Variants in KPNA6 observed in about 807,000 individuals in gnomAD.
KPNA6 encodes importin subunit alpha-7.
A neutral mutation model predicts 72.0 loss-of-function variants in KPNA6; 9 were observed. The ratio of observed to expected loss-of-function variants is 0.13; its 90% CI spans 0.08 to 0.22. The LOEUF (loss-of-function observed/expected upper bound fraction) is 0.22. Ranked by LOEUF, KPNA6 falls within the 10% of genes least tolerant of loss-of-function variation. The pLI is 1.00. For synonymous variants in KPNA6, 219 were observed against 242.1 expected (o/e 0.90, Z 0.89); for missense variants, 374 against 655.7 (o/e 0.57, Z 4.69).
At chr1:32,109,447 C>T (rs1641204939) in intron 1 of KPNA6, among the ~76,000 whole-genome samples, 1 of 151,826 alleles carries the variant, frequency 6.6e-6, no homozygotes, top group Admixed American at 6.6e-5. Context: ...GCTGGGATTA[C>T]AGGTGTGAGC....
intron 1 of KPNA6, among the ~76,000 whole-genome samples, chr1:32,128,661 C>T (rs755250371): frequency 1.6e-4 from 25 of 151,798 alleles, no homozygotes; most frequent in Admixed American, 2.6e-4. Flanking sequence ...ACCCAATTGT[C>T]CAGTAGAAGA....
intron 7 of KPNA6, 51 bp from the exon 8 acceptor site, chr1:32,161,896 T>C (rs1642244420): frequency 1.5e-6 from 2 of 1,374,952 alleles, no homozygotes; most frequent in Non-Finnish European, 2.1e-6. Context: ...TTGGCAACAG[T>C]CCTATGCCAA....
chr1:32,149,135 C>G (rs886433107), intron 1 of KPNA6, among the ~76,000 whole-genome samples: 5 of 152,038 alleles, frequency 3.3e-5, no homozygotes, highest in Non-Finnish European at 5.9e-5. Context: ...CTGCTTGTAT[C>G]TGCTGTTGAA....
chr1:32,170,756 C>T lies in KPNA6; in HGVS notation c.1473C>T (p.Tyr491=), dbSNP rs1462855622. The T allele has an allele frequency of 1.2e-6, 2 of 1,614,190 alleles. No homozygotes were observed. The highest frequency in any genetic ancestry group is 2.2e-5 in the South Asian group (2 of 91,082). The change falls in exon 14 of 14, where the codon TAC becomes TAT. Residue 491 remains tyrosine, a synonymous_variant. Coordinates refer to ENST00000373625, the MANE Select transcript of KPNA6 (RefSeq NM_012316.5). ...FLQSHENQEI[Y]QKAFDLIEHY... The stretch of plus-strand genomic sequence containing the variant: ...AGAGCCACGAGAACCAGGAGATCTA[C>T]CAGAAGGCCTTCGACCTCATTGAGC...
chr1:32,147,650 CTTTT>C (rs915571659), intron 1 of KPNA6, among the ~76,000 whole-genome samples: 7 of 81,866 alleles, frequency 8.6e-5, no homozygotes, highest in South Asian at 4.7e-4. Flanking sequence ...GATTTCTTTT[CTTTT>C]TTTTTTTTTT....
intron 1 of KPNA6, chr1:32,142,823 C>T: frequency 1.9e-6 from 1 of 539,492 alleles, no homozygotes; most frequent in East Asian, 7.4e-5. Flanking sequence ...TGTGCTTGTG[C>T]AGATGTTCCT....
chr1:32,156,533 G>T (rs191124698), intron 2 of KPNA6, among the ~76,000 whole-genome samples: 3 of 152,190 alleles, frequency 2.0e-5, no homozygotes, highest in African/African-American at 4.8e-5. Flanking sequence ...GGATGCACTG[G>T]ACAAAGGATG....
chr1:32,122,635 G>A (rs1302055378), intron 1 of KPNA6, among the ~76,000 whole-genome samples: 1 of 152,014 alleles, frequency 6.6e-6, no homozygotes, highest in African/African-American at 2.4e-5. Context: ...AAAGAAAAAA[G>A]GAGAGAGAAG....
chr1:32,165,524 C>CAA (rs920358384), intron 10 of KPNA6, among the ~76,000 whole-genome samples: 2 of 137,878 alleles, frequency 1.5e-5, no homozygotes, highest in South Asian at 2.3e-4. Context: ...CCTGTCTCTA[C>CAA]AAAAAAAAAA....
intron 1 of KPNA6, among the ~76,000 whole-genome samples, chr1:32,130,366 G>C (rs1350877363): frequency 6.6e-6 from 1 of 151,768 alleles, no homozygotes; most frequent in Non-Finnish European, 1.5e-5. Context: ...TGCCTGCCTT[G>C]GTGCCTTACA....
chr1:32,174,520 T>C lies in KPNA6; in HGVS notation c.*3626T>C, dbSNP rs1484299889. 6.6e-6 allele frequency: 1 copy of C among 152,254 alleles called. No homozygotes were observed. Among genetic ancestry groups the C allele is most frequent in the Non-Finnish European group, 1.5e-5 (1 of 68,068 alleles). 9.4% of individuals were successfully genotyped at this position (152,254 alleles called of 1,614,324 possible). A position where few individuals can be genotyped will look rare whatever the true frequency, so the allele number is the denominator to read the frequency against. On this transcript the variant is annotated 3_prime_UTR_variant, in exon 14 of 14. Coordinates refer to ENST00000373625, the MANE Select transcript of KPNA6 (RefSeq NM_012316.5). ...AAAAGATAGGAAAGCCTGGCACTACTAACCTCACCTCTCATACACCTCTTT... is the reference window on the plus strand; with the variant it reads ...AAAAGATAGGAAAGCCTGGCACTACCAACCTCACCTCTCATACACCTCTTT...
At chr1:32,116,743 C>T (rs1641335311) in intron 1 of KPNA6, among the ~76,000 whole-genome samples, 1 of 152,160 alleles carries the variant, frequency 6.6e-6, no homozygotes, top group African/African-American at 2.4e-5. Context: ...GACATGCCTT[C>T]CTCACTAAGC....
intron 1 of KPNA6, among the ~76,000 whole-genome samples, chr1:32,115,197 G>A (rs534122719): frequency 3.3e-4 from 49 of 150,102 alleles, no homozygotes; most frequent in African/African-American, 1.2e-3. Context: ...ATGCAGTGGC[G>A]CGACCTCAGC....
chr1:32,173,724 C>G lies in KPNA6; in HGVS notation c.*2830C>G, dbSNP rs1467975671. 2 of 152,236 alleles carry G rather than the reference C, an allele frequency of 1.3e-5. No homozygotes were observed. Among genetic ancestry groups the G allele is most frequent in the Admixed American group, 1.3e-4 (2 of 15,282 alleles). The allele number at this position is 152,236 out of a possible 1,614,324, so 9.4% of individuals were successfully genotyped here. ...TTTGTGGACAGTCTTCATCTAGATT[C>G]CATACCCTGGCCTAGGCGAGGTAAG... On this transcript the variant is annotated 3_prime_UTR_variant, in exon 14 of 14. Transcript: ENST00000373625.
intron 1 of KPNA6, among the ~76,000 whole-genome samples, chr1:32,133,885 C>T (rs1446838982): frequency 6.6e-6 from 1 of 151,542 alleles, no homozygotes; most frequent in Non-Finnish European, 1.5e-5. Flanking sequence ...ACTAAAAATA[C>T]AAAAATTAGC....
chr1:32,159,309 T>G, intron 5 of KPNA6, 91 bp from the exon 6 acceptor site: 1 of 1,375,898 alleles, frequency 7.3e-7, no homozygotes, highest in Non-Finnish European at 9.9e-7. Flanking sequence ...TTTAAATTCA[T>G]GGGCAGGAGG....
chr1:32,175,081 C>G lies in KPNA6; in HGVS notation c.*4187C>G, dbSNP rs1416210342. 4 of 152,222 alleles carry G rather than the reference C, an allele frequency of 2.6e-5. No individual in the cohort carries two copies. The highest frequency in any genetic ancestry group is 5.9e-5 in the Non-Finnish European group (4 of 68,052). The allele number at this position is 152,222 out of a possible 1,614,324, so 9.4% of individuals were successfully genotyped here. ...AGTCTCTCATTATCTGTCCTCTAGC[C>G]CCACACCCTGATTTAGACCGTGGCA... On this transcript the variant is annotated 3_prime_UTR_variant, in exon 14 of 14. Transcript: ENST00000373625.
At chr1:32,115,476 C>G (rs1201250398) in intron 1 of KPNA6, among the ~76,000 whole-genome samples, 1 of 152,090 alleles carries the variant, frequency 6.6e-6, no homozygotes, top group African/African-American at 2.4e-5. Context: ...GTCACCCAGG[C>G]TGGGGTGCAG....
In KPNA6 at chr1:32,174,138, T is replaced by C. The variant is rs1642486835; in HGVS notation, c.*3244T>C. 6.6e-6 allele frequency: 1 copy of C among 152,212 alleles called. No individual in the cohort carries two copies. Among genetic ancestry groups the C allele is most frequent in the South Asian group, 2.1e-4 (1 of 4,828 alleles). The allele number at this position is 152,212 out of a possible 1,614,324, so 9.4% of individuals were successfully genotyped here. On this transcript the variant is annotated 3_prime_UTR_variant, in exon 14 of 14. Transcript: ENST00000373625. ...TCCACCCACAGCTGGCCAGGCTTGT[T>C]ACATGGGTCAGGGAATACAAATGGC...
Sources: gnomAD v4.1 joint callset for allele counts (sites outside exome capture counted in the v4.1 genomes callset) on GRCh38, gnomAD v4.1.1 for gene constraint, MANE v1.5 for transcripts, NCBI Gene and HGNC (gene_info 2026-07-23, HGNC 2026-07-21) for gene names.